The following LVRN variants were observed in gnomAD, a reference collection of about 807,000 sequenced individuals.
LVRN encodes laeverin, also known as aminopeptidase Q.
A neutral mutation model predicts 111.4 loss-of-function variants in LVRN; 99 were observed. That is an observed-to-expected ratio of 0.89 (90% CI 0.76 to 1.05). The LOEUF (loss-of-function observed/expected upper bound fraction) is 1.05. Ranked by LOEUF, LVRN falls within the 50% of genes least tolerant of loss-of-function variation. The pLI is 0.00. For missense variants in LVRN, 1,414 were observed against 1,206.8 expected (o/e 1.17, Z -2.54); for synonymous variants, 488 against 449.5 (o/e 1.09, Z -1.08).
intron 1 of LVRN, among the ~76,000 whole-genome samples, chr5:115,968,046 A>T (rs1753239212): frequency 6.6e-6 from 1 of 152,056 alleles, no homozygotes; most frequent in Non-Finnish European, 1.5e-5. Flanking sequence ...AGACAGTTTT[A>T]TTTCTTCAAT....
intron 19 of LVRN, among the ~76,000 whole-genome samples, chr5:116,022,858 C>A (rs1748761522): frequency 1.3e-5 from 2 of 152,200 alleles, no homozygotes; most frequent in Admixed American, 1.3e-4. Flanking sequence ...AATGATCTGG[C>A]CCCTGCCTTA....
At chr5:115,999,349 T>G (rs1561563161) in intron 6 of LVRN, among the ~76,000 whole-genome samples, 1 of 152,116 alleles carries the variant, frequency 6.6e-6, no homozygotes, top group African/African-American at 2.4e-5. Flanking sequence ...AGATCTGGCA[T>G]GCTTTTGGTT....
chr5:115,966,375 A>G (rs1018440416), intron 1 of LVRN, among the ~76,000 whole-genome samples: 3 of 152,216 alleles, frequency 2.0e-5, no homozygotes, highest in African/African-American at 7.2e-5. Flanking sequence ...ATGCATCAAT[A>G]GTTTGAGTCT....
chr5:115,965,572 A>G (rs998427281), intron 1 of LVRN, among the ~76,000 whole-genome samples: 2 of 152,182 alleles, frequency 1.3e-5, no homozygotes, highest in Non-Finnish European at 2.9e-5. Flanking sequence ...TACTATTGGC[A>G]CCTCATATGG....
At chr5:115,993,997 T>C in intron 6 of LVRN, 143 bp downstream of exon 6, 1 of 491,508 alleles carries the variant, frequency 2.0e-6, no homozygotes, top group Non-Finnish European at 3.4e-6. Flanking sequence ...TGTGTTAGCT[T>C]TTTGATATTT....
chr5:115,968,433 C>T lies in LVRN; in HGVS notation c.695+5121C>T, dbSNP rs554516178. On this transcript the variant is annotated intron_variant, in intron 1 of 19. Transcript: ENST00000357872. ...AAATATTGAGCCAGCCTTAGTTCCC[C>T]ACCCTTTTTTTTTTTTTTTTTCAGA... Among the ~76,000 whole-genome samples, 35 of 118,598 alleles carry T rather than the reference C, an allele frequency of 3.0e-4. No individual in the cohort carries two copies. The East Asian group carries it at 5.4e-3, about 18-fold the overall frequency. The allele number at this position is 118,598 out of a possible 152,430, so 77.8% of individuals were successfully genotyped here.
chr5:116,017,244 A>G (rs1748620771), intron 18 of LVRN, among the ~76,000 whole-genome samples: 2 of 152,212 alleles, frequency 1.3e-5, no homozygotes, highest in Admixed American at 1.3e-4. Flanking sequence ...GAGAGGAGTT[A>G]GGAGTGGGAA....
chr5:116,021,377 C>G (rs1284623657), intron 18 of LVRN: 1 of 152,184 alleles, frequency 6.6e-6, no homozygotes, highest in African/African-American at 2.4e-5. Flanking sequence ...TTTTTGCTGC[C>G]TAGCTGGCCA....
chr5:115,965,768 C>T (rs1753189606), intron 1 of LVRN, among the ~76,000 whole-genome samples: 2 of 152,076 alleles, frequency 1.3e-5, no homozygotes, highest in South Asian at 2.1e-4. Context: ...TCTTGCTGCC[C>T]TGTGAAGAAA....
At chr5:115,991,760 A>T (rs962858602) in intron 4 of LVRN, among the ~76,000 whole-genome samples, 1 of 152,186 alleles carries the variant, frequency 6.6e-6, no homozygotes, top group Non-Finnish European at 1.5e-5. Flanking sequence ...ATGACAATTG[A>T]TGTTGAGCAT....
In LVRN at chr5:116,010,798, A is replaced by G; in HGVS notation, c.2151A>G (p.Glu717=). 2 of 1,611,126 alleles carry G rather than the reference A, an allele frequency of 1.2e-6. No homozygotes were observed. The highest frequency in any genetic ancestry group is 1.7e-5 in the Admixed American group (1 of 59,250). ...AGTTAACCAAGTACCTTGCTGAAGAAGATGAAATTATAGTATGGCATACAG... is the reference window on the plus strand; with the variant it reads ...AGTTAACCAAGTACCTTGCTGAAGAGGATGAAATTATAGTATGGCATACAG... ...ALELTKYLAE[E]DEIIVWHTVL... Residue 717 remains glutamate, a synonymous_variant, in exon 14 of 20, where the codon GAA becomes GAG. Coordinates refer to ENST00000357872, the MANE Select transcript of LVRN (RefSeq NM_173800.5).
chr5:115,976,385 A>G (rs1753450235), intron 1 of LVRN: 1 of 152,200 alleles, frequency 6.6e-6, no homozygotes, highest in Non-Finnish European at 1.5e-5. Context: ...ATCTTCTTGT[A>G]GAACCAGTTT....
intron 13 of LVRN, among the ~76,000 whole-genome samples, chr5:116,007,741 A>G (rs1380239628): frequency 6.6e-6 from 1 of 152,212 alleles, no homozygotes; most frequent in Non-Finnish European, 1.5e-5. Context: ...AAGATTTGTG[A>G]TAACTCTGAG....
chr5:115,977,303 G>A (rs773431439), intron 1 of LVRN, among the ~76,000 whole-genome samples: 1 of 152,166 alleles, frequency 6.6e-6, no homozygotes, highest in African/African-American at 2.4e-5. Flanking sequence ...CCACCGAATT[G>A]TTTCAGTTTC....
intron 1 of LVRN, among the ~76,000 whole-genome samples, chr5:115,977,148 TTGTCCAAAG>T (rs1199987971): frequency 4.6e-5 from 7 of 152,214 alleles, no homozygotes; most frequent in Non-Finnish European, 8.8e-5. Flanking sequence ...TGATTACTAT[TTGTCCAAAG>T]ACTTGAGGGG....
rs529488293 is a variant in LVRN at position 116,026,404 on chromosome 5, T to C, written c.*286T>C. 5 of 398,150 alleles carry C rather than the reference T, an allele frequency of 1.3e-5. No homozygotes were observed. The highest frequency in any genetic ancestry group is 1.0e-4 in the African/African-American group (5 of 48,748). The allele number at this position is 398,150 out of a possible 1,614,324, so 24.7% of individuals were successfully genotyped here. A position where few individuals can be genotyped will look rare whatever the true frequency, so the allele number is the denominator to read the frequency against. Reference sequence around the variant, plus strand: ...AATGTCACGTAAAAACAAATTCACCTAAGATAGTCTTGCTTATTTTGTTGC... The same window carrying C: ...AATGTCACGTAAAAACAAATTCACCCAAGATAGTCTTGCTTATTTTGTTGC... On this transcript the variant is annotated 3_prime_UTR_variant, in exon 20 of 20. Coordinates refer to ENST00000357872, the MANE Select transcript of LVRN (RefSeq NM_173800.5).
chr5:115,983,795 GT>G (rs1423943031), intron 2 of LVRN, among the ~76,000 whole-genome samples: 9 of 152,126 alleles, frequency 5.9e-5, no homozygotes, highest in African/African-American at 2.2e-4. Context: ...GATTAAATCA[GT>G]TTCCAACTTA....
At chr5:115,975,085 C>G (rs974013381) in intron 1 of LVRN, 3 of 342,548 alleles carry the variant, frequency 8.8e-6, no homozygotes, top group Non-Finnish European at 1.7e-5. Context: ...TAATGGCAAC[C>G]AGATCCAGTG....
intron 1 of LVRN, among the ~76,000 whole-genome samples, chr5:115,967,925 G>A (rs1753237104): frequency 6.6e-6 from 1 of 152,110 alleles, no homozygotes; most frequent in African/African-American, 2.4e-5. Context: ...TTTGTATGTT[G>A]ATCTTGTATC....
Sources: allele counts gnomAD v4.1 joint callset (sites outside exome capture counted in the v4.1 genomes callset), GRCh38; gene constraint gnomAD v4.1.1; transcripts MANE v1.5; gene names NCBI Gene and HGNC (gene_info 2026-07-23, HGNC 2026-07-21).